Variants in FOXN3 observed in about 807,000 individuals in gnomAD.
The protein encoded by FOXN3 is forkhead box N3.
FOXN3 carries 7 observed loss-of-function variants against 38.4 expected under a neutral mutation model. The ratio of observed to expected loss-of-function variants is 0.18; its 90% CI spans 0.10 to 0.34. FOXN3 has a LOEUF of 0.34. Ranked by LOEUF, FOXN3 falls within the 10% of genes least tolerant of loss-of-function variation. FOXN3 has a pLI of 1.00. For synonymous variants in FOXN3, 230 were observed against 242.2 expected, an observed-to-expected ratio of 0.95 and a Z score of 0.47; for missense variants, 456 against 613.4, an observed-to-expected ratio of 0.74 and a Z score of 2.71.
chr14:89,174,988 T>C (rs1397062348), intron 5 of FOXN3, among the ~76,000 whole-genome samples: 1 of 152,184 alleles, frequency 6.6e-6, no homozygotes, highest in Non-Finnish European at 1.5e-5. Flanking sequence ...AGTTACATAA[T>C]TGGACAACAA....
intron 1 of FOXN3, among the ~76,000 whole-genome samples, chr14:89,430,529 T>C (rs749387956): frequency 2.6e-5 from 4 of 152,230 alleles, no homozygotes; most frequent in Non-Finnish European, 5.9e-5. Flanking sequence ...TAAACTGTGC[T>C]ATTTGCTACT....
At chr14:89,435,547 C>T (rs189390784) in intron 1 of FOXN3, among the ~76,000 whole-genome samples, 23 of 152,244 alleles carry the variant, frequency 1.5e-4, no homozygotes, top group Admixed American at 8.5e-4. Context: ...GGTACGACAG[C>T]CAAAGCATTC....
chr14:89,323,374 C>G (rs192288839), intron 3 of FOXN3, among the ~76,000 whole-genome samples: 52 of 151,504 alleles, frequency 3.4e-4, no homozygotes, highest in Admixed American at 1.4e-3. Flanking sequence ...GGGTAGGTGT[C>G]TTTGAGAAGG....
At chr14:89,523,004 TAAAAGC>T (rs1894354078) in intron 1 of FOXN3, among the ~76,000 whole-genome samples, 1 of 151,920 alleles carries the variant, frequency 6.6e-6, no homozygotes, top group Non-Finnish European at 1.5e-5. Flanking sequence ...ACAACTACGT[TAAAAGC>T]AAAAGGATCG....
intron 1 of FOXN3, among the ~76,000 whole-genome samples, chr14:89,455,212 T>C (rs1288210764): frequency 1.3e-5 from 2 of 152,208 alleles, no homozygotes; most frequent in African/African-American, 2.4e-5. Context: ...CCGGCCGATA[T>C]GCCATCGGCA....
At chr14:89,487,450 T>C (rs994968137) in intron 1 of FOXN3, among the ~76,000 whole-genome samples, 1 of 152,200 alleles carries the variant, frequency 6.6e-6, no homozygotes, top group African/African-American at 2.4e-5. Flanking sequence ...GAAATGCAAA[T>C]TCTTGGCCCC....
intron 1 of FOXN3, among the ~76,000 whole-genome samples, chr14:89,506,866 C>G (rs1045120461): frequency 6.6e-6 from 1 of 152,154 alleles, no homozygotes; most frequent in Non-Finnish European, 1.5e-5. Context: ...TGTGTCCACT[C>G]AGGGTTGAAT....
At chr14:89,406,666 T>C (rs1891396301) in intron 2 of FOXN3, among the ~76,000 whole-genome samples, 1 of 152,144 alleles carries the variant, frequency 6.6e-6, no homozygotes, top group Non-Finnish European at 1.5e-5. Flanking sequence ...TAAGCTAAAA[T>C]TGTATTTAAA....
At chr14:89,510,568 A>C (rs1894037124) in intron 1 of FOXN3, among the ~76,000 whole-genome samples, 1 of 152,052 alleles carries the variant, frequency 6.6e-6, no homozygotes, top group Non-Finnish European at 1.5e-5. Context: ...GGGTAGCTCC[A>C]CCTCGACTCT....
chr14:89,538,800 T>C (rs898024633), intron 1 of FOXN3, among the ~76,000 whole-genome samples: 1 of 152,088 alleles, frequency 6.6e-6, no homozygotes, highest in African/African-American at 2.4e-5. Context: ...ATTACAGGCA[T>C]GAGTCACCGC....
rs536189128 is a variant in FOXN3, at chr14:89,540,035, C to A, written c.-15+78993G>T. Among the ~76,000 whole-genome samples, 6 of 152,244 alleles carry A rather than the reference C, an allele frequency of 3.9e-5. No homozygotes were observed. The South Asian group carries it at 1.2e-3, about 32-fold the overall frequency. On this transcript the variant is annotated intron_variant, in intron 1 of 6. Coordinates refer to the FOXN3 transcript ENST00000345097. The stretch of plus-strand genomic sequence containing the variant: ...TCTACTTTTCTATGAAATCCGATAG[C>A]CAGATATCACGATGCAACAGAACAA...
At chr14:89,502,826 C>T (rs1264991574) in intron 1 of FOXN3, among the ~76,000 whole-genome samples, 1 of 152,138 alleles carries the variant, frequency 6.6e-6, no homozygotes, top group African/African-American at 2.4e-5. Context: ...CCACCCGTTA[C>T]GGGGCAGTTT....
chr14:89,397,441 TAAAAAAA>T (rs35139656), intron 2 of FOXN3, among the ~76,000 whole-genome samples: 1 of 120,660 alleles, frequency 8.3e-6, no homozygotes, highest in Non-Finnish European at 1.8e-5. Flanking sequence ...AAATAAAAGT[TAAAAAAA>T]AAAAAAAAAA....
rs114143693 is a variant in FOXN3, at chr14:89,330,246, A to C, written c.680+20426T>G. On this transcript the variant is annotated intron_variant, in intron 3 of 5. Transcript: ENST00000557258. ...GCACAGGGGTGCCTGCCAGGTAGTAAGAAATCTCCAATGCCCTCAAATAGA... is the reference window on the plus strand; with the variant it reads ...GCACAGGGGTGCCTGCCAGGTAGTACGAAATCTCCAATGCCCTCAAATAGA... Among the ~76,000 whole-genome samples, 909 of 152,306 alleles carry C rather than the reference A, an allele frequency of 6.0e-3. 4 individuals are homozygous for C. Among genetic ancestry groups the C allele is most frequent in the African/African-American group, 0.021 (880 of 41,556 alleles).
chr14:89,575,105 GCTAA>G (rs1895578436), intron 1 of FOXN3, among the ~76,000 whole-genome samples: 2 of 152,178 alleles, frequency 1.3e-5, no homozygotes, highest in Non-Finnish European at 2.9e-5. Flanking sequence ...TCTGATGAAA[GCTAA>G]CTCAGACTCA....
At position 89,583,207 on chromosome 14, in the gene FOXN3, A is replaced by G. The variant is rs544810417; in HGVS notation, c.-15+35821T>C. On this transcript the variant is annotated intron_variant, in intron 1 of 6. Transcript: ENST00000345097. ...TTAAGAAATTGCTTAACTGTTTTCAAAGTGATTGCTATGGCTTGAATGTTT... is the reference window on the plus strand; with the variant it reads ...TTAAGAAATTGCTTAACTGTTTTCAGAGTGATTGCTATGGCTTGAATGTTT... Among the ~76,000 whole-genome samples the G allele has an allele frequency of 2.5e-4, 38 of 152,312 alleles. No individual in the cohort carries two copies. The South Asian group carries it at 7.7e-3, about 31-fold the overall frequency.
intron 4 of FOXN3, among the ~76,000 whole-genome samples, chr14:89,204,104 A>G (rs894432982): frequency 7.6e-6 from 1 of 131,492 alleles, no homozygotes; most frequent in Non-Finnish European, 1.7e-5. Context: ...CACACACACA[A>G]CTACTACTAC....
intron 1 of FOXN3, among the ~76,000 whole-genome samples, chr14:89,599,990 C>G (rs921051004): frequency 6.6e-6 from 1 of 152,200 alleles, no homozygotes; most frequent in African/African-American, 2.4e-5. Flanking sequence ...GTTCACCTCT[C>G]TGAGTTTTCT....
At chr14:89,302,782 G>A (rs957617229) in intron 3 of FOXN3, among the ~76,000 whole-genome samples, 3 of 152,114 alleles carry the variant, frequency 2.0e-5, no homozygotes, top group African/African-American at 7.2e-5. Context: ...CCTTTCATCT[G>A]CCCTTCTCTG....
Sources: allele counts gnomAD v4.1 joint callset (sites outside exome capture counted in the v4.1 genomes callset), GRCh38; gene constraint gnomAD v4.1.1; transcripts MANE v1.5; gene names NCBI Gene and HGNC (gene_info 2026-07-23, HGNC 2026-07-21).